NANS: variants seen among roughly 807,000 people sequenced by gnomAD.
NANS encodes the protein N-acetylneuraminate-9-phosphate synthase.
NANS carries 29 observed loss-of-function variants against 33.3 expected under a neutral mutation model. The observed-to-expected ratio is 0.87, with a 90% CI of 0.65 to 1.19. The LOEUF is 1.19. Among genes scored for constraint, NANS ranks in the 50% most tolerant of loss-of-function variants. The pLI is 0.00. For synonymous variants in NANS, 163 were observed against 177.2 expected (o/e 0.92, Z 0.64); for missense variants, 394 against 461.1 (o/e 0.85, Z 1.33).
intron 1 of NANS, among the ~76,000 whole-genome samples, 187 bp downstream of exon 1, chr9:98,057,127 T>C (rs1226235502): frequency 6.6e-6 from 1 of 152,224 alleles, no homozygotes; most frequent in Non-Finnish European, 1.5e-5. Flanking sequence ...TCGTGACCTT[T>C]CTGCATTACA....
Position 98,080,806 on chromosome 9 carries a change from C to T in NANS, c.604-10C>T, listed in dbSNP as rs1383927365. 1.3e-6 allele frequency: 2 copies of T among 1,554,900 alleles called. No individual in the cohort carries two copies. The highest frequency in any genetic ancestry group is 1.2e-5 in the South Asian group (1 of 83,122). Reference sequence around the variant, plus strand: ...ATATTTAATGTTATTTTTCTTTTTCCATTTTAAAGGAATATCAGAAGCTCT... The same window carrying T: ...ATATTTAATGTTATTTTTCTTTTTCTATTTTAAAGGAATATCAGAAGCTCT... On this transcript the variant is annotated splice_polypyrimidine_tract_variant and intron_variant, in intron 4 of 5. Transcript: ENST00000210444.
Position 98,078,299 on chromosome 9 carries a change from C to T in NANS, c.555C>T (p.Thr185=). The change falls in exon 4 of 6, where the codon ACC becomes ACT. Residue 185 remains threonine, a synonymous_variant. Transcript: ENST00000210444. ...CCAACTTCTGCTTCTTGCAGTGTACCAGCGCATACCCGCTCCAGCCTGAGG... is the reference window on the plus strand; with the variant it reads ...CCAACTTCTGCTTCTTGCAGTGTACTAGCGCATACCCGCTCCAGCCTGAGG... The part of the protein sequence containing the change: ...LNPNFCFLQC[T]SAYPLQPEDV... 2 of 1,614,042 alleles carry T rather than the reference C, an allele frequency of 1.2e-6. No individual in the cohort carries two copies. Among genetic ancestry groups the T allele is most frequent in the South Asian group, 2.2e-5 (2 of 91,068 alleles).
chr9:98,080,844 C>T lies in NANS; in HGVS notation c.632C>T (p.Pro211Leu), dbSNP rs138371057. 5.6e-6 allele frequency: 9 copies of T among 1,602,740 alleles called. No homozygotes were observed. The highest frequency in any genetic ancestry group is 7.7e-6 in the Non-Finnish European group (9 of 1,172,054). The change falls in exon 5 of 6, where the codon CCC (proline) becomes CTC (leucine). Residue 211 changes from proline (P) to leucine (L), a missense_variant. Physicochemically the swap from Pro to Leu is moderately conservative, Grantham distance 98 (BLOSUM62 -3). Transcript: ENST00000210444. ...SEYQKLFPDIPIGYSGHETGI... is the reference protein window; with the variant it reads ...SEYQKLFPDILIGYSGHETGI... ...TATCAGAAGCTCTTTCCTGACATTC[C>T]CATAGGGTATTCTGGGCATGAAACA... is the stretch of plus-strand genomic sequence containing the variant.
intron 4 of NANS, among the ~76,000 whole-genome samples, chr9:98,080,606 G>A (rs1435171164): frequency 6.6e-6 from 1 of 152,160 alleles, no homozygotes; most frequent in Admixed American, 6.5e-5. Flanking sequence ...CATTTACAAT[G>A]TGCTGAGTGC....
At chr9:98,078,828 C>G (rs1374793622) in intron 4 of NANS, among the ~76,000 whole-genome samples, 1 of 109,382 alleles carries the variant, frequency 9.1e-6, no homozygotes, top group East Asian at 2.2e-4. Flanking sequence ...GAGTGAGACT[C>G]TCAGGGGGAA....
intron 1 of NANS, among the ~76,000 whole-genome samples, chr9:98,059,807 G>A (rs1318885290): frequency 6.6e-6 from 1 of 152,046 alleles, no homozygotes; most frequent in Non-Finnish European, 1.5e-5. Flanking sequence ...TAGGGGCTGG[G>A]GCATTTTTGT....
intron 2 of NANS, among the ~76,000 whole-genome samples, chr9:98,066,069 C>G (rs1829138594): frequency 6.6e-6 from 1 of 152,136 alleles, no homozygotes; most frequent in African/African-American, 2.4e-5. Flanking sequence ...TTTGTCATCC[C>G]TCCTCCTCCA....
Position 98,073,271 on chromosome 9 carries a change from C to CTTTTTTTT in NANS, c.349-3623_349-3616dup, listed in dbSNP as rs10606237. Among the ~76,000 whole-genome samples the CTTTTTTTT allele has an allele frequency of 4.7e-4, 27 of 57,852 alleles. 2 individuals carry two copies. The highest frequency in any genetic ancestry group is 6.8e-4 in the South Asian group (1 of 1,470). 38.0% of individuals were successfully genotyped at this position (57,852 alleles called of 152,430 possible). On this transcript the variant is annotated intron_variant, in intron 2 of 5. Coordinates refer to ENST00000210444, the MANE Select transcript of NANS (RefSeq NM_018946.4). ...GTTCTCCCCAGCTCATCACCATGGG[C>CTTTTTTTT]TTTTTTTTTTTTTTTTTTTTTTTTT...
chr9:98,073,610 C>T (rs1210716204), intron 2 of NANS, among the ~76,000 whole-genome samples: 2 of 149,318 alleles, frequency 1.3e-5, no homozygotes, highest in African/African-American at 4.9e-5. Context: ...TTTTCCAATC[C>T]TGAAGGATCC....
chr9:98,061,564 G>A (rs956893192), intron 2 of NANS, among the ~76,000 whole-genome samples: 3 of 149,580 alleles, frequency 2.0e-5, no homozygotes, highest in African/African-American at 7.4e-5. Flanking sequence ...GGCAGGTCAC[G>A]AGGTCAAGAG....
intron 1 of NANS, 122 bp downstream of exon 1, chr9:98,057,062 C>G: frequency 7.6e-7 from 1 of 1,315,120 alleles, no homozygotes; most frequent in Non-Finnish European, 1.0e-6. Context: ...TTCCCGCCCG[C>G]CAGTTCCGTT....
rs1829830885 is a variant in NANS, at chr9:98,081,009, T to C, written c.797T>C (p.Val266Ala). 1 of 1,614,054 alleles carries C rather than the reference T, an allele frequency of 6.2e-7. No individual in the cohort carries two copies. Among genetic ancestry groups the C allele is most frequent in the African/African-American group, 1.3e-5 (1 of 74,926 alleles). Residue 266 changes from valine (V) to alanine (A), a missense_variant, in exon 5 of 6, where the codon GTG becomes GCG. Physicochemically the swap from Val to Ala is moderately conservative, Grantham distance 64 (BLOSUM62 0). Coordinates refer to ENST00000210444, the MANE Select transcript of NANS (RefSeq NM_018946.4). ...GAACTGGCCGAGCTGGTGCGGTCAG[T>C]GCGTCTTGTGGAGCGTGCCCTGGGC... ...PGELAELVRS[V>A]RLVERALGSP...
At chr9:98,057,367 T>C (rs1828856878) in intron 1 of NANS, among the ~76,000 whole-genome samples, 1 of 152,152 alleles carries the variant, frequency 6.6e-6, no homozygotes, top group Non-Finnish European at 1.5e-5. Flanking sequence ...CAGAGTTACT[T>C]TCAGGAATGA....
intron 2 of NANS, 92 bp downstream of exon 2, chr9:98,061,089 C>G (rs1828961785): frequency 3.4e-6 from 4 of 1,188,086 alleles, no homozygotes; most frequent in African/African-American, 1.5e-5. Flanking sequence ...CACCTCCAGC[C>G]CTTGCTCATC....
intron 2 of NANS, chr9:98,075,530 C>G (rs1335143341): frequency 6.6e-6 from 1 of 152,022 alleles, no homozygotes. Flanking sequence ...TCCGTCGGTC[C>G]GTCGGTCCTA....
intron 1 of NANS, 33 bp downstream of exon 1, chr9:98,056,973 G>T (rs779521942): frequency 1.4e-5 from 22 of 1,542,654 alleles, no homozygotes; most frequent in Middle Eastern, 2.1e-4. Context: ...CCGGGATTCG[G>T]GCGCCGGGAG....
In NANS at chr9:98,080,877, C is replaced by T. The variant is rs766491062; in HGVS notation, c.665C>T (p.Ala222Val). 4.3e-6 allele frequency: 7 copies of T among 1,613,942 alleles called. No individual in the cohort carries two copies. The highest frequency in any genetic ancestry group is 5.1e-6 in the Non-Finnish European group (6 of 1,179,874). Residue 222 changes from alanine (A) to valine (V), a missense_variant, in exon 5 of 6, where the codon GCG becomes GTG. Transcript: ENST00000210444. ...TATTCTGGGCATGAAACAGGCATAG[C>T]GATATCTGTGGCCGCAGTGGCTCTG... ...IGYSGHETGIAISVAAVALGA... is the reference protein window; with the variant it reads ...IGYSGHETGIVISVAAVALGA...
At chr9:98,057,968 G>A (rs1343181798) in intron 1 of NANS, among the ~76,000 whole-genome samples, 5 of 124,080 alleles carry the variant, frequency 4.0e-5, no homozygotes, top group Non-Finnish European at 8.0e-5. Context: ...TATCACCCAG[G>A]CTGGAGTGCA....
chr9:98,078,562 G>A lies in NANS; in HGVS notation c.603+215G>A, dbSNP rs536809781. ...GTAAATGAAATTTTCTTGGCCAGGC[G>A]CGGTGGGTCATGCCTGTAATCCCAG... is the stretch of plus-strand genomic sequence containing the variant. On this transcript the variant is annotated intron_variant, in intron 4 of 5. Transcript: ENST00000210444. 6.4e-4 allele frequency among the ~76,000 whole-genome samples: 98 copies of A among 152,186 alleles called. 1 individual carries two copies. In the South Asian group the frequency reaches 0.017, roughly 26 times the overall value.
Sources: allele counts gnomAD v4.1 joint callset (sites outside exome capture counted in the v4.1 genomes callset), GRCh38; gene constraint gnomAD v4.1.1; transcripts MANE v1.5; gene names NCBI Gene and HGNC (gene_info 2026-07-23, HGNC 2026-07-21).